Variants in STK3 observed in about 807,000 individuals in gnomAD.
The protein encoded by STK3 is serine/threonine-protein kinase 3.
A neutral mutation model predicts 58.0 loss-of-function variants in STK3; 41 were observed. The observed-to-expected ratio is 0.71, with a 90% CI of 0.55 to 0.92. The LOEUF (loss-of-function observed/expected upper bound fraction) is 0.92, where lower values mean the gene tolerates loss of function less well. STK3 is among the 40% of genes least tolerant of loss of function. The pLI, the probability that STK3 is intolerant of heterozygous loss-of-function variation, is 0.00. For missense variants in STK3, 479 were observed against 602.7 expected (o/e 0.79, Z 2.15); for synonymous variants, 170 against 191.0 (o/e 0.89, Z 0.91).
intron 2 of STK3, among the ~76,000 whole-genome samples, chr8:98,374,585 G>A (rs1490125954): frequency 6.6e-6 from 1 of 152,176 alleles, no homozygotes; most frequent in Non-Finnish European, 1.5e-5. Flanking sequence ...TCCTGCCTTT[G>A]GGTGCAGTCA....
At chr8:98,425,568 A>G (rs1818222674) in intron 3 of STK3, among the ~76,000 whole-genome samples, 1 of 152,204 alleles carries the variant, frequency 6.6e-6, no homozygotes, top group Admixed American at 6.5e-5. Flanking sequence ...AGAGGCCTGC[A>G]GGGGCATGGG....
At chr8:98,897,930 A>G (rs920018478) in intron 1 of STK3, among the ~76,000 whole-genome samples, 3 of 152,240 alleles carry the variant, frequency 2.0e-5, no homozygotes, top group Non-Finnish European at 4.4e-5. Flanking sequence ...AGCTTGAATA[A>G]CTACTTTAGG....
intron 10 of STK3, among the ~76,000 whole-genome samples, chr8:98,482,761 T>C (rs1821951064): frequency 6.6e-6 from 1 of 152,102 alleles, no homozygotes; most frequent in Non-Finnish European, 1.5e-5. Flanking sequence ...GAGTCAATTA[T>C]TCCCTGGGTA....
intron 2 of STK3, among the ~76,000 whole-genome samples, chr8:98,768,417 GAA>G (rs1283737420): frequency 1.3e-5 from 2 of 152,112 alleles, no homozygotes; most frequent in Non-Finnish European, 2.9e-5. Flanking sequence ...TAAAATAAGT[GAA>G]AAAGAGACAA....
intron 3 of STK3, among the ~76,000 whole-genome samples, chr8:98,750,862 T>C (rs1010343471): frequency 7.2e-5 from 11 of 152,118 alleles, no homozygotes; most frequent in African/African-American, 1.2e-4. Context: ...AACAAAACAT[T>C]AGCAAACCAA....
intron 1 of STK3, among the ~76,000 whole-genome samples, chr8:98,896,204 T>A (rs150695820): frequency 2.0e-5 from 3 of 152,248 alleles, no homozygotes; most frequent in Admixed American, 2.0e-4. Flanking sequence ...CCCTCTCAGA[T>A]CCAATCTACA....
intron 3 of STK3, among the ~76,000 whole-genome samples, chr8:98,762,959 C>A (rs1306330399): frequency 6.6e-6 from 1 of 152,128 alleles, no homozygotes; most frequent in South Asian, 2.1e-4. Flanking sequence ...TGATTTTGGG[C>A]AATTCATGTA....
chr8:98,521,206 G>A (rs964783959), intron 10 of STK3, among the ~76,000 whole-genome samples: 6 of 152,082 alleles, frequency 3.9e-5, no homozygotes, highest in African/African-American at 1.4e-4. Flanking sequence ...CCCTTTTTAA[G>A]GCTATCTGCC....
chr8:98,726,233 C>G (rs1209534752), intron 4 of STK3, among the ~76,000 whole-genome samples: 1 of 152,146 alleles, frequency 6.6e-6, no homozygotes, highest in Non-Finnish European at 1.5e-5. Flanking sequence ...AACTGGGCAA[C>G]TTACCAATAA....
intron 1 of STK3, among the ~76,000 whole-genome samples, chr8:98,780,008 TCA>T (rs1831980240): frequency 2.0e-5 from 3 of 151,890 alleles, no homozygotes; most frequent in Admixed American, 2.0e-4. Context: ...ACAGACACAT[TCA>T]CACACACATA....
rs771170925 is a variant in STK3, at chr8:98,567,723, T to C, written c.948+11941A>G. On this transcript the variant is annotated intron_variant, in intron 8 of 10. Coordinates refer to ENST00000419617, the MANE Select transcript of STK3 (RefSeq NM_006281.4). ...TCACTGAAATATACGGAGGGTTTTA[T>C]AGATTTATAAAGAGATCATATTACA... Among the ~76,000 whole-genome samples the C allele has an allele frequency of 1.4e-3, 208 of 152,276 alleles. 2 individuals are homozygous for C. The highest frequency in any genetic ancestry group is 2.6e-3 in the Non-Finnish European group (176 of 68,018).
At chr8:98,609,777 AGTGAAACCCC>A (rs1197855925) in intron 6 of STK3, among the ~76,000 whole-genome samples, 1 of 151,874 alleles carries the variant, frequency 6.6e-6, no homozygotes. Context: ...TGGCTAACAC[AGTGAAACCCC>A]GTCTCTACTA....
chr8:98,602,876 TAA>T (rs11299438), intron 6 of STK3, among the ~76,000 whole-genome samples: 295 of 136,318 alleles, frequency 2.2e-3, no homozygotes, highest in Middle Eastern at 0.012. Flanking sequence ...TCCAAATAAC[TAA>T]AAAAAAAAAA....
chr8:98,554,334 C>T lies in STK3; in HGVS notation c.949-6173G>A, dbSNP rs138768736. Among the ~76,000 whole-genome samples the T allele has an allele frequency of 6.8e-3, 1,039 of 152,230 alleles. 7 individuals carry two copies. The highest frequency in any genetic ancestry group is 0.023 in the African/African-American group (966 of 41,562). ...CCAAAACACTAACTCTATTTTAACA[C>T]GTGTGAGTCATTTTTCTCTTATCCT... On this transcript the variant is annotated intron_variant, in intron 8 of 10. Transcript: ENST00000419617.
At chr8:98,406,327 G>T (rs1817993036) in intron 3 of STK3, among the ~76,000 whole-genome samples, 1 of 151,540 alleles carries the variant, frequency 6.6e-6, no homozygotes, top group Non-Finnish European at 1.5e-5. Context: ...GGTTCAGGGG[G>T]TACACGTGCC....
the STK3 span, among the ~76,000 whole-genome samples, chr8:98,360,004 TC>T: frequency 6.6e-6 from 1 of 152,142 alleles, no homozygotes; most frequent in Non-Finnish European, 1.5e-5. Context: ...GTACCTTGTG[TC>T]CTTTCTCTTT....
chr8:98,769,157 T>G (rs764487935), intron 2 of STK3, among the ~76,000 whole-genome samples: 3 of 152,226 alleles, frequency 2.0e-5, no homozygotes, highest in Non-Finnish European at 4.4e-5. Context: ...GATAGCAATA[T>G]AGTTTTTGGT....
At chr8:98,557,946 T>C (rs1811728359) in intron 8 of STK3, among the ~76,000 whole-genome samples, 1 of 152,074 alleles carries the variant, frequency 6.6e-6, no homozygotes, top group Non-Finnish European at 1.5e-5. Context: ...CTTCAGAGGC[T>C]CCATGATGCA....
At chr8:98,859,006 T>A (rs896276211) in intron 3 of STK3, among the ~76,000 whole-genome samples, 1 of 152,076 alleles carries the variant, frequency 6.6e-6, no homozygotes, top group African/African-American at 2.4e-5. Flanking sequence ...CAACTCAGTG[T>A]CTATAAGAAT....
Sources: allele counts gnomAD v4.1 joint callset (sites outside exome capture counted in the v4.1 genomes callset), GRCh38; gene constraint gnomAD v4.1.1; transcripts MANE v1.5; gene names NCBI Gene and HGNC (gene_info 2026-07-23, HGNC 2026-07-21).